The following DPYD variants were observed in gnomAD, a reference collection of about 807,000 sequenced individuals.
DPYD encodes dihydropyrimidine dehydrogenase.
A neutral mutation model predicts 116.2 loss-of-function variants in DPYD; 109 were observed. That is an observed-to-expected ratio of 0.94 (90% CI 0.80 to 1.10). The LOEUF is 1.10. Among genes scored for constraint, DPYD ranks in the 50% least tolerant of loss-of-function variants. The pLI is 0.00. For missense variants in DPYD, 1,302 were observed against 1,254.5 expected (o/e 1.04, Z -0.57); for synonymous variants, 440 against 432.0 (o/e 1.02, Z -0.23).
chr1:97,465,460 G>C (rs1677263869), intron 13 of DPYD, among the ~76,000 whole-genome samples: 1 of 152,168 alleles, frequency 6.6e-6, no homozygotes, highest in African/African-American at 2.4e-5. Context: ...ATCTCATCTT[G>C]AATTCCCATG....
chr1:97,704,487 C>A (rs993125046), intron 5 of DPYD, among the ~76,000 whole-genome samples: 8 of 151,866 alleles, frequency 5.3e-5, no homozygotes, highest in African/African-American at 1.9e-4. Flanking sequence ...TTAGTTAAAA[C>A]AAATTACAAA....
At chr1:97,424,995 A>ATCAC (rs1403351574) in intron 14 of DPYD, among the ~76,000 whole-genome samples, 1 of 152,074 alleles carries the variant, frequency 6.6e-6, no homozygotes, top group African/African-American at 2.4e-5. Context: ...TAACAATAAT[A>ATCAC]TCACATCAAT....
chr1:97,203,110 TCTA>T (rs939595073), intron 19 of DPYD, among the ~76,000 whole-genome samples: 13 of 152,110 alleles, frequency 8.5e-5, no homozygotes, highest in African/African-American at 3.1e-4. Context: ...GTAGGATTTT[TCTA>T]CTAACATCGT....
chr1:97,589,198 A>C (rs1020053090), intron 10 of DPYD, among the ~76,000 whole-genome samples: 1 of 152,208 alleles, frequency 6.6e-6, no homozygotes, highest in Admixed American at 6.5e-5. Context: ...TTGTGGATTA[A>C]AACATTCCTG....
intron 10 of DPYD, among the ~76,000 whole-genome samples, chr1:97,585,306 G>C (rs989624688): frequency 6.6e-6 from 1 of 152,156 alleles, no homozygotes; most frequent in Non-Finnish European, 1.5e-5. Flanking sequence ...CCACAGAAAA[G>C]AGAAATTAAA....
intron 18 of DPYD, among the ~76,000 whole-genome samples, chr1:97,264,967 T>C (rs745661942): frequency 1.3e-5 from 2 of 150,900 alleles, no homozygotes; most frequent in East Asian, 3.9e-4. Context: ...CAAAACTTTA[T>C]AGTTTTCAGT....
chr1:97,101,937 C>T (rs967118258), intron 20 of DPYD, among the ~76,000 whole-genome samples: 2 of 152,086 alleles, frequency 1.3e-5, no homozygotes, highest in African/African-American at 4.8e-5. Context: ...AAATCCTACT[C>T]ATTTAAAGAT....
chr1:97,374,814 G>C (rs902566042), intron 15 of DPYD, among the ~76,000 whole-genome samples: 2 of 149,696 alleles, frequency 1.3e-5, no homozygotes, highest in Non-Finnish European at 3.0e-5. Context: ...AGGATTGCCT[G>C]AGCTTAGGAT....
Position 97,551,492 on chromosome 1 carries a change from C to G in DPYD, c.1340-1748G>C, listed in dbSNP as rs564183069. On this transcript the variant is annotated intron_variant, in intron 11 of 22. Transcript: ENST00000370192. ...GCAAGGGGTAAAAATGAATTCTGTT[C>G]TATCAGAAATGATCTTATGTTTCCA... Among the ~76,000 whole-genome samples the G allele has an allele frequency of 3.9e-5, 6 of 152,148 alleles. No homozygotes were observed. The East Asian group carries it at 7.7e-4, about 20-fold the overall frequency.
rs147991729 is a variant in DPYD, at chr1:97,129,730, T to A, written c.2623-31098A>T. On this transcript the variant is annotated intron_variant, in intron 20 of 22. Transcript: ENST00000370192. Reference sequence around the variant, plus strand: ...CTAACATGCCACCACAAGATGGTTATTTCTTTTAGAAAGTCTACTGTCATT... The same window carrying A: ...CTAACATGCCACCACAAGATGGTTAATTCTTTTAGAAAGTCTACTGTCATT... Among the ~76,000 whole-genome samples the A allele has an allele frequency of 2.3e-3, 344 of 152,326 alleles. 1 individual carries two copies. The highest frequency in any genetic ancestry group is 8.0e-3 in the African/African-American group (332 of 41,576).
chr1:97,113,012 T>A (rs1466632124), intron 20 of DPYD, among the ~76,000 whole-genome samples: 1 of 152,156 alleles, frequency 6.6e-6, no homozygotes, highest in Non-Finnish European at 1.5e-5. Context: ...TTTCTCCTCA[T>A]CTCTGTTAAC....
At chr1:97,206,636 TTTTATATATATA>T (rs1659619573) in intron 19 of DPYD, among the ~76,000 whole-genome samples, 1 of 65,936 alleles carries the variant, frequency 1.5e-5, no homozygotes, top group African/African-American at 5.0e-5. Flanking sequence ...AACAGGGAGA[TTTTATATATATA>T]TATATATATA....
At chr1:97,530,246 C>G (rs1649515125) in intron 12 of DPYD, among the ~76,000 whole-genome samples, 1 of 123,618 alleles carries the variant, frequency 8.1e-6, no homozygotes, top group Non-Finnish European at 1.6e-5. Context: ...GAGACGGAGT[C>G]TCGCTCTGTC....
chr1:97,243,658 T>G (rs61214883), intron 18 of DPYD, among the ~76,000 whole-genome samples: 1 of 151,886 alleles, frequency 6.6e-6, no homozygotes. Flanking sequence ...CCAGGTATGA[T>G]AAAACCATAA....
intron 12 of DPYD, chr1:97,546,702 A>T (rs911696584): frequency 6.2e-7 from 1 of 1,613,142 alleles, no homozygotes; most frequent in East Asian, 2.2e-5. Context: ...GTACACTAAA[A>T]GATACAGAGG....
chr1:97,490,432 A>G (rs1481963143), intron 13 of DPYD, among the ~76,000 whole-genome samples: 1 of 147,714 alleles, frequency 6.8e-6, no homozygotes, highest in Admixed American at 6.8e-5. Context: ...CACACTAATA[A>G]TTGTATAAGT....
intron 12 of DPYD, among the ~76,000 whole-genome samples, chr1:97,537,016 G>T (rs1024951975): frequency 6.6e-6 from 1 of 152,208 alleles, no homozygotes; most frequent in African/African-American, 2.4e-5. Context: ...CAGGGCAAAA[G>T]AATGCCTTTG....
At chr1:97,294,581 G>A (rs1570451580) in intron 18 of DPYD, among the ~76,000 whole-genome samples, 1 of 152,240 alleles carries the variant, frequency 6.6e-6, no homozygotes, top group East Asian at 1.9e-4. Context: ...GACATATGCA[G>A]GAACACAGGT....
At chr1:97,704,244 T>C (rs1007827271) in intron 5 of DPYD, among the ~76,000 whole-genome samples, 1 of 151,946 alleles carries the variant, frequency 6.6e-6, no homozygotes, top group East Asian at 1.9e-4. Flanking sequence ...GCCAAATAAA[T>C]AGCTCCAAAA....
Sources: allele counts gnomAD v4.1 joint callset (sites outside exome capture counted in the v4.1 genomes callset), GRCh38; gene constraint gnomAD v4.1.1; transcripts MANE v1.5; gene names NCBI Gene and HGNC (gene_info 2026-07-23, HGNC 2026-07-21).